ERBB4: variants seen among roughly 807,000 people sequenced by gnomAD.
The protein encoded by ERBB4 is erb-b2 receptor tyrosine kinase 4, also known as receptor tyrosine-protein kinase erbB-4.
ERBB4 carries 42 observed loss-of-function variants against 158.0 expected under a neutral mutation model. The observed-to-expected ratio is 0.27, with a 90% confidence interval of 0.21 to 0.34. The LOEUF (loss-of-function observed/expected upper bound fraction) is 0.34, where lower values mean the gene tolerates loss of function less well. Ranked by LOEUF, ERBB4 falls within the 10% of genes least tolerant of loss-of-function variation. The pLI is 1.00. For missense variants in ERBB4, 1,333 were observed against 1,624.1 expected (o/e 0.82, Z 3.08); for synonymous variants, 583 against 558.7 (o/e 1.04, Z -0.61).
intron 3 of ERBB4, among the ~76,000 whole-genome samples, chr2:211,875,366 T>C (rs140782262): frequency 2.6e-5 from 4 of 152,292 alleles, no homozygotes; most frequent in African/African-American, 9.6e-5. Context: ...CCCTGTTTTG[T>C]TGGTAATTTT....
At chr2:211,524,286 C>T (rs1045702039) in intron 20 of ERBB4, among the ~76,000 whole-genome samples, 2 of 152,192 alleles carry the variant, frequency 1.3e-5, no homozygotes, top group Non-Finnish European at 1.5e-5. Context: ...TCCACCTCTC[C>T]ACCAGACTCA....
intron 4 of ERBB4, among the ~76,000 whole-genome samples, chr2:211,772,461 G>C (rs2075716142): frequency 6.6e-6 from 1 of 151,792 alleles, no homozygotes; most frequent in Non-Finnish European, 1.5e-5. Context: ...AACTGAATGA[G>C]AGGCAAAAAG....
intron 20 of ERBB4, among the ~76,000 whole-genome samples, chr2:211,508,353 C>CA (rs2065801726): frequency 6.6e-6 from 1 of 152,200 alleles, no homozygotes; most frequent in South Asian, 2.1e-4. Flanking sequence ...AGACATTTTG[C>CA]AGCCAACAAA....
chr2:212,202,857 A>T (rs1037057276), intron 1 of ERBB4, among the ~76,000 whole-genome samples: 1 of 152,118 alleles, frequency 6.6e-6, no homozygotes, highest in Non-Finnish European at 1.5e-5. Context: ...AAAATCAATA[A>T]AAACTATTAG....
At position 212,087,342 on chromosome 2, in the gene ERBB4, T is replaced by A. The variant is rs903984059; in HGVS notation, c.234+37410A>T. 5.9e-5 allele frequency among the ~76,000 whole-genome samples: 9 copies of A among 152,086 alleles called. 1 individual carries two copies. In the South Asian group the frequency reaches 1.9e-3, roughly 31 times the overall value. ...ATGATTTATACTGTGATAAGTGGAC[T>A]ATCTGTATGTATAAATTAATGCAAA... On this transcript the variant is annotated intron_variant, in intron 2 of 27. Coordinates refer to ENST00000342788, the MANE Select transcript of ERBB4 (RefSeq NM_005235.3).
At chr2:212,315,440 AATT>A (rs893010420) in intron 1 of ERBB4, among the ~76,000 whole-genome samples, 2 of 151,386 alleles carry the variant, frequency 1.3e-5, no homozygotes, top group Non-Finnish European at 3.0e-5. Context: ...TCACACACAT[AATT>A]ATTATTTTTC....
rs151255029 is a variant in ERBB4, at chr2:212,244,745, A to C, written c.83-119842T>G. Among the ~76,000 whole-genome samples, 30 of 152,248 alleles carry C rather than the reference A, an allele frequency of 2.0e-4. No individual in the cohort carries two copies. The East Asian group carries it at 5.2e-3, about 26-fold the overall frequency. ...TTATCTATCTTCTACAGTCTGGTTT[A>C]ACTTTCAATTCTTCCAAAACCTTGC... On this transcript the variant is annotated intron_variant, in intron 1 of 27. Coordinates refer to ENST00000342788, the MANE Select transcript of ERBB4 (RefSeq NM_005235.3).
chr2:211,615,434 C>T (rs1224046528), intron 19 of ERBB4, among the ~76,000 whole-genome samples: 1 of 152,038 alleles, frequency 6.6e-6, no homozygotes, highest in East Asian at 1.9e-4. Flanking sequence ...TGCAGGTATT[C>T]TTATGAAGGT....
chr2:212,048,938 G>T (rs901511489), intron 2 of ERBB4, among the ~76,000 whole-genome samples: 1 of 152,202 alleles, frequency 6.6e-6, no homozygotes, highest in Non-Finnish European at 1.5e-5. Context: ...TCATCAACCA[G>T]TTGGGTTGGA....
intron 1 of ERBB4, among the ~76,000 whole-genome samples, chr2:212,343,506 T>C (rs1201873560): frequency 6.6e-6 from 1 of 152,130 alleles, no homozygotes; most frequent in Non-Finnish European, 1.5e-5. Context: ...TCTAAATGCA[T>C]TGAATAGAAC....
intron 20 of ERBB4, among the ~76,000 whole-genome samples, chr2:211,545,121 T>G (rs2066908451): frequency 6.6e-6 from 1 of 152,118 alleles, no homozygotes; most frequent in African/African-American, 2.4e-5. Context: ...CATTTCAGGC[T>G]GCTGTTGTGA....
chr2:211,741,851 C>T (rs1314075523), intron 5 of ERBB4, among the ~76,000 whole-genome samples: 2 of 152,102 alleles, frequency 1.3e-5, no homozygotes, highest in Non-Finnish European at 2.9e-5. Context: ...TAAATTACAA[C>T]AAATATTATC....
At chr2:211,708,888 G>C (rs1177298346) in intron 9 of ERBB4, among the ~76,000 whole-genome samples, 5 of 152,070 alleles carry the variant, frequency 3.3e-5, no homozygotes. Flanking sequence ...TGGTGGAGCT[G>C]CAAATCACAC....
chr2:211,531,712 G>C (rs1381849348), intron 20 of ERBB4, among the ~76,000 whole-genome samples: 1 of 152,074 alleles, frequency 6.6e-6, no homozygotes, highest in Non-Finnish European at 1.5e-5. Context: ...CTGTTGGTGG[G>C]AATGTAAATT....
At chr2:211,581,047 A>G (rs1277723619) in intron 19 of ERBB4, among the ~76,000 whole-genome samples, 1 of 151,058 alleles carries the variant, frequency 6.6e-6, no homozygotes, top group Non-Finnish European at 1.5e-5. Context: ...GTTCTCACTC[A>G]TATGTGGAAC....
At chr2:212,018,647 A>G (rs1271951349) in intron 2 of ERBB4, among the ~76,000 whole-genome samples, 1 of 152,152 alleles carries the variant, frequency 6.6e-6, no homozygotes, top group Non-Finnish European at 1.5e-5. Flanking sequence ...ACTTGCAGAT[A>G]ATTTTATAGG....
At chr2:212,431,727 T>C (rs929294923) in intron 1 of ERBB4, among the ~76,000 whole-genome samples, 32 of 152,292 alleles carry the variant, frequency 2.1e-4, no homozygotes, top group South Asian at 6.2e-4. Context: ...CATATAGTGT[T>C]AACTGTTTCC....
At chr2:212,322,441 TC>T (rs2087609687) in intron 1 of ERBB4, among the ~76,000 whole-genome samples, 1 of 149,928 alleles carries the variant, frequency 6.7e-6, no homozygotes, top group Non-Finnish European at 1.5e-5. Flanking sequence ...TAAAAAAAAA[TC>T]CACTATTTTA....
chr2:212,430,670 T>C (rs1158257082), intron 1 of ERBB4, among the ~76,000 whole-genome samples: 1 of 152,072 alleles, frequency 6.6e-6, no homozygotes, highest in Non-Finnish European at 1.5e-5. Context: ...TCAAACTGCA[T>C]GCTGTTTTTA....
Sources: allele counts gnomAD v4.1 joint callset (sites outside exome capture counted in the v4.1 genomes callset), GRCh38; gene constraint gnomAD v4.1.1; transcripts MANE v1.5; gene names NCBI Gene and HGNC (gene_info 2026-07-23, HGNC 2026-07-21).